The following GREB1 variants were observed in gnomAD, a reference collection of about 807,000 sequenced individuals.
The protein encoded by GREB1 is growth regulating estrogen receptor binding 1, also known as protein GREB1.
Under a neutral mutation model 200.7 loss-of-function variants are expected in GREB1, and 106 were observed. The ratio of observed to expected loss-of-function variants is 0.53; its 90% CI spans 0.45 to 0.62. The LOEUF (loss-of-function observed/expected upper bound fraction) is 0.62, where lower values mean the gene tolerates loss of function less well. GREB1 is among the 20% of genes least tolerant of loss of function. GREB1 has a pLI of 0.00. For synonymous variants in GREB1, 1,132 were observed against 1,092.4 expected (o/e 1.04, Z -0.72); for missense variants, 2,243 against 2,556.8 (o/e 0.88, Z 2.65).
At position 11,592,804 on chromosome 2, in the gene GREB1, C is replaced by T. The variant is rs779315037; in HGVS notation, c.1374C>T (p.Asp458=). ...LAADQVPLME[D]LEQIFLRSWR... is the part of the protein sequence containing the mutation. Reference sequence around the variant, plus strand: ...CGGACCAGGTGCCCTTGATGGAGGACCTGGAGCAGATCTTCCTGCGCTCTT... The same window carrying T: ...CGGACCAGGTGCCCTTGATGGAGGATCTGGAGCAGATCTTCCTGCGCTCTT... Residue 458 remains aspartate, a synonymous_variant, in exon 11 of 33, where the codon GAC becomes GAT. Transcript: ENST00000381486. The T allele has an allele frequency of 1.3e-6, 2 of 1,563,234 alleles. No individual in the cohort carries two copies. The highest frequency in any genetic ancestry group is 1.2e-5 in the South Asian group (1 of 81,494).
At chr2:11,538,028 G>A (rs1674379333) in intron 1 of GREB1, among the ~76,000 whole-genome samples, 1 of 152,024 alleles carries the variant, frequency 6.6e-6, no homozygotes, top group Non-Finnish European at 1.5e-5. Context: ...CGTCACACAC[G>A]GTGCCCTGAG....
chr2:11,550,439 A>G (rs1381819101), intron 1 of GREB1, among the ~76,000 whole-genome samples: 1 of 152,216 alleles, frequency 6.6e-6, no homozygotes, highest in Non-Finnish European at 1.5e-5. Context: ...TCACCCTTGC[A>G]TCTCATATCT....
intron 1 of GREB1, among the ~76,000 whole-genome samples, chr2:11,482,902 C>G (rs973765131): frequency 6.6e-6 from 1 of 151,316 alleles, no homozygotes; most frequent in Non-Finnish European, 1.5e-5. Context: ...GCTGGGCTAG[C>G]CTCCGTCGGC....
At chr2:11,515,133 T>TCCAC (rs1553341947) in intron 1 of GREB1, among the ~76,000 whole-genome samples, 1,727 of 144,296 alleles carry the variant, frequency 0.012, 27 homozygotes, top group African/African-American at 0.029. Context: ...CATCCATCCA[T>TCCAC]CCACCCACCC....
At chr2:11,538,610 TTTC>T (rs1674411716) in intron 1 of GREB1, among the ~76,000 whole-genome samples, 3 of 2,716 alleles carry the variant, frequency 1.1e-3, no homozygotes, top group Admixed American at 0.01. Context: ...GGAGCTTGTG[TTTC>T]TTTCTTTCTT....
intron 1 of GREB1, among the ~76,000 whole-genome samples, chr2:11,539,638 C>T (rs1228248374): frequency 6.6e-6 from 1 of 152,166 alleles, no homozygotes; most frequent in Non-Finnish European, 1.5e-5. Context: ...ATCAGTTTAA[C>T]TGTTGGTGGT....
intron 4 of GREB1, among the ~76,000 whole-genome samples, chr2:11,568,004 T>C (rs1677863377): frequency 6.6e-6 from 1 of 152,220 alleles, no homozygotes; most frequent in Non-Finnish European, 1.5e-5. Flanking sequence ...CCTGGCATCT[T>C]CTTTGGAGGA....
At position 11,580,985 on chromosome 2, in the gene GREB1, GAGTCCGTGGGT is replaced by G; in HGVS notation, c.901+154_901+164del. The G allele has an allele frequency of 1.1e-6, 1 of 909,784 alleles. No homozygotes were observed. The highest frequency in any genetic ancestry group is 1.8e-6 in the Non-Finnish European group (1 of 560,006). 56.4% of individuals were successfully genotyped at this position (909,784 alleles called of 1,614,324 possible). A position where few individuals can be genotyped will look rare whatever the true frequency, so the allele number is the denominator to read the frequency against. On this transcript the variant is annotated intron_variant, in intron 7 of 32. Transcript: ENST00000381486. This position sits in a 1 kb window ranked among gnomAD's most constrained non-coding sequence, Gnocchi z 4.5. ...CAGGCCAGGACCACAGGTGCCTCCT[GAGTCCGTGGGT>G]CTGGGCCCAGGCCCTGGTGCTCTAT...
At chr2:11,532,354 A>G (rs921981841), upstream of GREB1, among the ~76,000 whole-genome samples, 2 of 152,210 alleles carry the variant, frequency 1.3e-5, no homozygotes, top group African/African-American at 2.4e-5. Context: ...ATTGTGGCCA[A>G]TAAAATAAAG....
chr2:11,511,886 C>G (rs1299232560), intron 1 of GREB1, among the ~76,000 whole-genome samples: 1 of 152,180 alleles, frequency 6.6e-6, no homozygotes, highest in Non-Finnish European at 1.5e-5. Flanking sequence ...TGGCCCAGCG[C>G]TGGTCCGTGG....
intron 30 of GREB1, among the ~76,000 whole-genome samples, 179 bp from the exon 31 acceptor site, chr2:11,637,537 C>A: frequency 6.6e-6 from 1 of 152,158 alleles, no homozygotes. Flanking sequence ...TTTCATGTTT[C>A]CTTTGAGTAA....
intron 3 of GREB1, among the ~76,000 whole-genome samples, chr2:11,563,709 T>C (rs1294987911): frequency 6.6e-6 from 1 of 152,216 alleles, no homozygotes; most frequent in Admixed American, 6.5e-5. Flanking sequence ...GTACCCCCTA[T>C]ACAAATATTT....
At chr2:11,570,137 G>A (rs1211822371) in intron 4 of GREB1, among the ~76,000 whole-genome samples, 1 of 152,086 alleles carries the variant, frequency 6.6e-6, no homozygotes, top group Admixed American at 6.6e-5. Context: ...GGCCAGGTGT[G>A]GTGGCTCATG....
In GREB1 at chr2:11,640,182, C is replaced by T. The variant is rs1685709019; in HGVS notation, c.5687-109C>T. On this transcript the variant is annotated intron_variant, in intron 32 of 32. Coordinates refer to ENST00000381486, the MANE Select transcript of GREB1 (RefSeq NM_014668.4). This position sits in a 1 kb window ranked among gnomAD's most constrained non-coding sequence, Gnocchi z 4.6. Reference sequence around the variant, plus strand: ...GGGCCGACTTGGATGCCGCTTCTGCCCTTCCCAACAGCGCCCTGTCTTGTC... The same window carrying T: ...GGGCCGACTTGGATGCCGCTTCTGCTCTTCCCAACAGCGCCCTGTCTTGTC... 3 of 1,040,904 alleles carry T rather than the reference C, an allele frequency of 2.9e-6. No homozygotes were observed. Among genetic ancestry groups the T allele is most frequent in the Non-Finnish European group, 2.8e-6 (2 of 721,528 alleles). 64.5% of individuals were successfully genotyped at this position (1,040,904 alleles called of 1,614,324 possible). A position where few individuals can be genotyped will look rare whatever the true frequency, so the allele number is the denominator to read the frequency against.
chr2:11,591,591 C>T lies in GREB1; in HGVS notation c.1346-1185C>T. The T allele has an allele frequency of 3.2e-6, 2 of 633,130 alleles. 1 individual carries two copies. The highest frequency in any genetic ancestry group is 3.8e-5 in the South Asian group (2 of 52,640). The allele number at this position is 633,130 out of a possible 1,614,324, so 39.2% of individuals were successfully genotyped here. On this transcript the variant is annotated intron_variant, in intron 10 of 32. Coordinates refer to ENST00000381486, the MANE Select transcript of GREB1 (RefSeq NM_014668.4). ...GTGCTTAGGTGCGGTAAAACCAGCGCTTGTCCGATGCACCGTTCGCGTGGT... is the reference window on the plus strand; with the variant it reads ...GTGCTTAGGTGCGGTAAAACCAGCGTTTGTCCGATGCACCGTTCGCGTGGT...
chr2:11,513,790 G>A (rs1406842883), intron 1 of GREB1, among the ~76,000 whole-genome samples: 1 of 152,134 alleles, frequency 6.6e-6, no homozygotes, highest in African/African-American at 2.4e-5. Flanking sequence ...TACCGATATT[G>A]CCATATTGGC....
intron 14 of GREB1, among the ~76,000 whole-genome samples, 172 bp from the exon 15 acceptor site, chr2:11,598,508 A>G (rs1681470454): frequency 6.6e-6 from 1 of 152,220 alleles, no homozygotes; most frequent in African/African-American, 2.4e-5. Context: ...TGTGCAGGAC[A>G]GTTATGCAGC....
chr2:11,575,786 C>T (rs1039955211), intron 4 of GREB1, among the ~76,000 whole-genome samples: 1 of 152,208 alleles, frequency 6.6e-6, no homozygotes, highest in Non-Finnish European at 1.5e-5. Flanking sequence ...AACTAACCCA[C>T]CCCCACGGAA....
At position 11,625,142 on chromosome 2, in the gene GREB1, C is replaced by T. The variant is rs1171230180; in HGVS notation, c.4148-12C>T. 4.4e-6 allele frequency: 7 copies of T among 1,607,454 alleles called. No individual in the cohort carries two copies. Among genetic ancestry groups the T allele is most frequent in the Non-Finnish European group, 6.0e-6 (7 of 1,174,426 alleles). The stretch of plus-strand genomic sequence containing the variant: ...CTATTTTGTCACATCTATGTTTCTA[C>T]CAATCTTGTAGACCTCAGAGAAGAA... On this transcript the variant is annotated splice_polypyrimidine_tract_variant and intron_variant, in intron 23 of 32. Coordinates refer to ENST00000381486, the MANE Select transcript of GREB1 (RefSeq NM_014668.4).
Sources: allele counts gnomAD v4.1 joint callset (sites outside exome capture counted in the v4.1 genomes callset), GRCh38; gene constraint gnomAD v4.1.1; non-coding constraint Gnocchi (gnomAD v3.1); transcripts MANE v1.5; gene names NCBI Gene and HGNC (gene_info 2026-07-23, HGNC 2026-07-21).